NHS: variants seen among roughly 807,000 people sequenced by gnomAD.
The protein encoded by NHS is actin remodeling regulator NHS.
In NHS, 5 loss-of-function variants were observed where a neutral mutation model predicts 72.5. That is an observed-to-expected ratio of 0.07 (90% CI 0.04 to 0.14). NHS has a LOEUF of 0.14. Among genes scored for constraint, NHS ranks in the 10% least tolerant of loss-of-function variants. The pLI, the probability that NHS is intolerant of heterozygous loss-of-function variation, is 1.00. For missense variants in NHS, 1,072 were observed against 1,355.7 expected (o/e 0.79, Z 3.29); for synonymous variants, 464 against 547.7 (o/e 0.85, Z 2.13).
intron 1 of NHS, among the ~76,000 whole-genome samples, chrX:17,531,982 T>G (rs2065200944): frequency 1.8e-5 from 2 of 111,378 alleles, no homozygotes; most frequent in Non-Finnish European, 3.8e-5. Flanking sequence ...TGCTAGACTG[T>G]AAGTTTCATG....
chrX:17,637,020 G>A (rs2065852988), intron 1 of NHS, among the ~76,000 whole-genome samples: 1 of 111,630 alleles, frequency 9.0e-6, no homozygotes, highest in Admixed American at 9.5e-5. Flanking sequence ...AGTGGGTCCC[G>A]ATAACAGTGC....
chrX:17,728,620 C>T (rs774286366), intron 7 of NHS, 29 bp from the exon 8 acceptor site: 3 of 1,209,319 alleles, frequency 2.5e-6, no homozygotes, highest in South Asian at 3.5e-5. Context: ...GTAACTTCCT[C>T]TTAAAGATTC....
At chrX:17,551,341 C>A (rs1448380068) in intron 1 of NHS, among the ~76,000 whole-genome samples, 1 of 111,537 alleles carries the variant, frequency 9.0e-6, no homozygotes. Flanking sequence ...TGGATGACAC[C>A]CAAATCATCA....
At chrX:17,679,867 G>GC (rs999254392) in intron 1 of NHS, among the ~76,000 whole-genome samples, 1 of 104,951 alleles carries the variant, frequency 9.5e-6, no homozygotes, top group African/African-American at 3.5e-5. Flanking sequence ...AAAGGGGGGG[G>GC]GGGTGTGCGT....
chrX:17,386,663 CAAAAAAAAA>C (rs1184465152), intron 1 of NHS, among the ~76,000 whole-genome samples: 16 of 38,435 alleles, frequency 4.2e-4, no homozygotes, highest in African/African-American at 1.1e-3. Context: ...AACTCTGTCT[CAAAAAAAAA>C]AAAAAAAAAA....
rs753795813 is a variant in NHS at position 17,449,835 on chromosome X, A to AT, written c.565+73521dup. 7.2e-5 allele frequency among the ~76,000 whole-genome samples: 8 copies of AT among 110,973 alleles called. No homozygotes were observed. The South Asian group carries it at 2.7e-3, about 37-fold the overall frequency. ...TTTTATTGCTCTTAATTTCATCTTT[A>AT]TTTTTTTTATTTGTATTTTGGCTTC... On this transcript the variant is annotated intron_variant, in intron 1 of 8. Coordinates refer to ENST00000676302, the MANE Select transcript of NHS (RefSeq NM_001291867.2).
intron 1 of NHS, among the ~76,000 whole-genome samples, chrX:17,388,923 G>C (rs1276390112): frequency 9.1e-6 from 1 of 109,836 alleles, no homozygotes; most frequent in Non-Finnish European, 1.9e-5. Flanking sequence ...GTTGTTTCAT[G>C]TCTGGGGCTA....
chrX:17,552,464 T>C (rs1295698311), intron 1 of NHS: 3 of 112,032 alleles, frequency 2.7e-5, no homozygotes, highest in African/African-American at 9.8e-5. Flanking sequence ...TCAGAAATTC[T>C]CTTGGCCTTT....
At chrX:17,680,039 G>A (rs752379659) in intron 1 of NHS, among the ~76,000 whole-genome samples, 1 of 112,374 alleles carries the variant, frequency 8.9e-6, no homozygotes, top group African/African-American at 3.2e-5. Flanking sequence ...GTGTCCTTCT[G>A]TAAATAAACA....
intron 1 of NHS, among the ~76,000 whole-genome samples, chrX:17,408,068 G>T (rs1369458482): frequency 1.8e-5 from 2 of 111,305 alleles, no homozygotes; most frequent in African/African-American, 6.6e-5. Flanking sequence ...GGAGTACAGT[G>T]ATGTGATCTC....
At chrX:17,430,373 CTTCT>C (rs1341462417) in intron 1 of NHS, among the ~76,000 whole-genome samples, 5 of 65,207 alleles carry the variant, frequency 7.7e-5, no homozygotes, top group African/African-American at 1.2e-4. Context: ...TCTTTCTTTC[CTTCT>C]TTCTTTCTTT....
In NHS at chrX:17,719,553, C is replaced by G. The variant is rs1305578441; in HGVS notation, c.915+147C>G. On this transcript the variant is annotated intron_variant, in intron 4 of 8. Coordinates refer to ENST00000676302, the MANE Select transcript of NHS (RefSeq NM_001291867.2). The stretch of plus-strand genomic sequence containing the variant: ...AATCAATTTAAAAAGTGGTATTTTC[C>G]TAACTTGAATTAAATAGAATATAAC... 15 of 510,601 alleles carry G rather than the reference C, an allele frequency of 2.9e-5. No homozygotes were observed. The East Asian group carries it at 5.7e-4, about 19-fold the overall frequency. The allele number at this position is 510,601 out of a possible 1,213,427, so 42.1% of individuals were successfully genotyped here.
intron 1 of NHS, among the ~76,000 whole-genome samples, chrX:17,431,290 T>G (rs1253495635): frequency 9.0e-6 from 1 of 111,603 alleles, no homozygotes; most frequent in East Asian, 2.8e-4. Flanking sequence ...TAACCTCTCA[T>G]AAGGGATTCC....
intron 8 of NHS, among the ~76,000 whole-genome samples, chrX:17,731,180 C>T: frequency 1.8e-5 from 2 of 108,716 alleles, no homozygotes; most frequent in Middle Eastern, 9.5e-3. Flanking sequence ...GTCTTTCACC[C>T]CCTGGAACCA....
chrX:17,437,191 T>G (rs999983888), intron 1 of NHS, among the ~76,000 whole-genome samples: 1 of 111,461 alleles, frequency 9.0e-6, no homozygotes. Flanking sequence ...TGTTATACCA[T>G]GCTGTGTTTT....
At chrX:17,670,978 T>C (rs1305612026) in intron 1 of NHS, among the ~76,000 whole-genome samples, 1 of 112,106 alleles carries the variant, frequency 8.9e-6, no homozygotes, top group Non-Finnish European at 1.9e-5. Context: ...CGAAAGTCAC[T>C]CTCTGGGGCT....
chrX:17,431,553 A>G lies in NHS; in HGVS notation c.565+55231A>G, dbSNP rs1464218443. Among the ~76,000 whole-genome samples, 5 of 111,347 alleles carry G rather than the reference A, an allele frequency of 4.5e-5. No individual in the cohort carries two copies. In the Admixed American group the frequency reaches 4.8e-4, roughly 11 times the overall value. ...AGGGGTATGCTTTTTCCTAAACTCAACAGTGTAGTAAGATGCTTGGTGGAC... is the reference window on the plus strand; with the variant it reads ...AGGGGTATGCTTTTTCCTAAACTCAGCAGTGTAGTAAGATGCTTGGTGGAC... On this transcript the variant is annotated intron_variant, in intron 1 of 8. Coordinates refer to ENST00000676302, the MANE Select transcript of NHS (RefSeq NM_001291867.2).
At chrX:17,444,717 A>G (rs1402859459) in intron 1 of NHS, among the ~76,000 whole-genome samples, 1 of 111,388 alleles carries the variant, frequency 9.0e-6, no homozygotes, top group Non-Finnish European at 1.9e-5. Flanking sequence ...AGCACACCAC[A>G]GGCACCCAGA....
intron 1 of NHS, among the ~76,000 whole-genome samples, chrX:17,595,289 C>T (rs988082798): frequency 2.7e-5 from 3 of 111,624 alleles, no homozygotes; most frequent in African/African-American, 9.8e-5. Flanking sequence ...AGACACTTTC[C>T]CTACCCATTC....
Sources: allele counts gnomAD v4.1 joint callset (sites outside exome capture counted in the v4.1 genomes callset), GRCh38; gene constraint gnomAD v4.1.1; transcripts MANE v1.5; gene names NCBI Gene and HGNC (gene_info 2026-07-23, HGNC 2026-07-21).